The following HECW1 variants were observed in gnomAD, a reference collection of about 807,000 sequenced individuals.
HECW1 encodes the protein HECT, C2 and WW domain containing E3 ubiquitin protein ligase 1.
In HECW1, 61 loss-of-function variants were observed where a neutral mutation model predicts 182.3. The observed-to-expected ratio is 0.33, with a 90% CI of 0.27 to 0.41. The LOEUF is 0.41. Ranked by LOEUF, HECW1 falls within the 10% of genes least tolerant of loss-of-function variation. The pLI is 1.00. For missense variants in HECW1, 1,739 were observed against 2,108.9 expected, an observed-to-expected ratio of 0.82 and a Z score of 3.44; for synonymous variants, 859 against 832.6, an observed-to-expected ratio of 1.03 and a Z score of -0.55.
intron 9 of HECW1, among the ~76,000 whole-genome samples, chr7:43,441,841 A>G (rs11979957): frequency 0.055 from 8,446 of 152,328 alleles, 351 homozygotes; most frequent in African/African-American, 0.11. Flanking sequence ...TAAAAAGCTC[A>G]CAACCACACA....
At chr7:43,263,760 GGA>G (rs1247604403) in intron 3 of HECW1, among the ~76,000 whole-genome samples, 7 of 152,194 alleles carry the variant, frequency 4.6e-5, no homozygotes, top group African/African-American at 1.4e-4. Context: ...AGGGAGGGAG[GGA>G]GAGAGAGGGG....
intron 6 of HECW1, among the ~76,000 whole-genome samples, chr7:43,364,207 C>T (rs541976818): frequency 1.2e-4 from 18 of 152,226 alleles, no homozygotes; most frequent in South Asian, 6.2e-4. Context: ...GTGTAATCAG[C>T]GCTTTAATTT....
intron 19 of HECW1, among the ~76,000 whole-genome samples, chr7:43,498,957 C>T (rs1255522513): frequency 6.6e-6 from 1 of 152,042 alleles, no homozygotes; most frequent in Non-Finnish European, 1.5e-5. Flanking sequence ...GTTGTACCTG[C>T]AGTATTTTGG....
chr7:43,541,999 G>T lies in HECW1; in HGVS notation c.4248+1G>T, dbSNP rs1262784781. The T allele has an allele frequency of 1.3e-6, 2 of 1,515,118 alleles. No homozygotes were observed. Among genetic ancestry groups the T allele is most frequent in the Admixed American group, 2.3e-5 (1 of 44,284 alleles). 93.9% of individuals were successfully genotyped at this position (1,515,118 alleles called of 1,614,324 possible). On this transcript the variant is annotated splice_donor_variant, in intron 26 of 29. Coordinates refer to ENST00000395891, the MANE Select transcript of HECW1 (RefSeq NM_015052.5). LOFTEE classifies it high-confidence loss of function. ...TGTTAATGAAGAGGTTTTTGGACAG[G>T]TTTGTGTGACATGGGGTTTGGAAAA... is the stretch of plus-strand genomic sequence containing the variant.
At chr7:43,183,970 A>AC (rs1554300807) in intron 2 of HECW1, among the ~76,000 whole-genome samples, 1,851 of 152,032 alleles carry the variant, frequency 0.012, 30 homozygotes, top group African/African-American at 0.04. Context: ...TTTAAAAAAA[A>AC]AATCAAGATG....
intron 21 of HECW1, 66 bp from the exon 22 acceptor site, chr7:43,507,071 A>G (rs1427392283): frequency 8.3e-6 from 13 of 1,563,216 alleles, no homozygotes; most frequent in Middle Eastern, 1.7e-4. Context: ...CTCCTTCTCA[A>G]AAAAGAAAAA....
intron 28 of HECW1, among the ~76,000 whole-genome samples, chr7:43,552,982 C>T (rs9648532): frequency 0.32 from 47,936 of 151,934 alleles, 7,713 homozygotes; most frequent in East Asian, 0.41. Context: ...GGACCCAGCT[C>T]CTGAGCAGTG....
intron 3 of HECW1, among the ~76,000 whole-genome samples, chr7:43,311,321 G>T (rs1808477003): frequency 6.6e-6 from 1 of 152,162 alleles, no homozygotes; most frequent in Non-Finnish European, 1.5e-5. Context: ...GGACCTGAAT[G>T]CTGCAGGGAT....
intron 3 of HECW1, among the ~76,000 whole-genome samples, chr7:43,246,140 TAA>T (rs200748119): frequency 0.073 from 10,529 of 144,238 alleles, 491 homozygotes; most frequent in African/African-American, 0.12. Flanking sequence ...CTATGAAAAA[TAA>T]AAAAAAAAAA....
intron 26 of HECW1, among the ~76,000 whole-genome samples, chr7:43,545,300 G>A (rs17803369): frequency 0.16 from 24,290 of 152,116 alleles, 2,546 homozygotes; most frequent in Non-Finnish European, 0.24. Context: ...TCAAGAAAAC[G>A]AAGTCAACTA....
chr7:43,411,950 A>C (rs968877129), intron 8 of HECW1, among the ~76,000 whole-genome samples: 4 of 152,072 alleles, frequency 2.6e-5, no homozygotes, highest in African/African-American at 9.7e-5. Flanking sequence ...TAACATATTT[A>C]TTCATGTAAT....
At chr7:43,462,569 G>A (rs73098730) in intron 13 of HECW1, among the ~76,000 whole-genome samples, 1 of 152,066 alleles carries the variant, frequency 6.6e-6, no homozygotes, top group Non-Finnish European at 1.5e-5. Context: ...GGAGACTCAG[G>A]GGGTGGGGCT....
chr7:43,285,180 G>A (rs1051030894), intron 3 of HECW1, among the ~76,000 whole-genome samples: 1 of 152,098 alleles, frequency 6.6e-6, no homozygotes, highest in Non-Finnish European at 1.5e-5. Flanking sequence ...AAGACAAAAG[G>A]GGGAAATGGA....
intron 8 of HECW1, among the ~76,000 whole-genome samples, chr7:43,422,141 C>T (rs536273886): frequency 7.2e-5 from 11 of 152,206 alleles, no homozygotes; most frequent in East Asian, 3.9e-4. Flanking sequence ...AACGTAATTG[C>T]GGTTTTGCCA....
At chr7:43,350,117 T>C (rs1422980544) in intron 5 of HECW1, among the ~76,000 whole-genome samples, 1 of 152,196 alleles carries the variant, frequency 6.6e-6, no homozygotes, top group Non-Finnish European at 1.5e-5. Context: ...TTCCTTCATA[T>C]ATGATGCTTA....
chr7:43,527,627 A>G (rs749767247), intron 24 of HECW1, among the ~76,000 whole-genome samples: 2 of 152,230 alleles, frequency 1.3e-5, no homozygotes, highest in Non-Finnish European at 2.9e-5. Flanking sequence ...CATCACGTTC[A>G]CAGGTTCCAG....
At chr7:43,198,467 CAT>C (rs1282217031) in intron 2 of HECW1, among the ~76,000 whole-genome samples, 5 of 149,780 alleles carry the variant, frequency 3.3e-5, no homozygotes, top group Non-Finnish European at 5.9e-5. Flanking sequence ...ACGTACCCAC[CAT>C]AGTCACACCC....
intron 6 of HECW1, among the ~76,000 whole-genome samples, chr7:43,377,270 CTA>C (rs2074369632): frequency 6.6e-6 from 1 of 152,206 alleles, no homozygotes; most frequent in Non-Finnish European, 1.5e-5. Context: ...CCTTCTTGCT[CTA>C]TGAGGACAGG....
intron 5 of HECW1, among the ~76,000 whole-genome samples, chr7:43,351,984 G>A (rs1814535952): frequency 6.6e-6 from 1 of 152,014 alleles, no homozygotes; most frequent in Non-Finnish European, 1.5e-5. Flanking sequence ...TTTCCTTTTT[G>A]ACAGGCTTTA....
Sources: allele counts gnomAD v4.1 joint callset (sites outside exome capture counted in the v4.1 genomes callset), GRCh38; gene constraint gnomAD v4.1.1; transcripts MANE v1.5; gene names NCBI Gene and HGNC (gene_info 2026-07-23, HGNC 2026-07-21).